The following FRS2 variants were observed in gnomAD, a reference collection of about 807,000 sequenced individuals.
The protein encoded by FRS2 is fibroblast growth factor receptor substrate 2, also known as FGFR signalling adaptor.
Under a neutral mutation model 43.9 loss-of-function variants are expected in FRS2, and 8 were observed. The observed-to-expected ratio is 0.18, with a 90% CI of 0.11 to 0.33. The LOEUF (loss-of-function observed/expected upper bound fraction) is 0.33. FRS2 is among the 10% of genes least tolerant of loss of function. FRS2 has a pLI of 1.00. For synonymous variants in FRS2, 219 were observed against 220.3 expected (o/e 0.99, Z 0.05); for missense variants, 534 against 627.6 (o/e 0.85, Z 1.59).
intron 1 of FRS2, among the ~76,000 whole-genome samples, chr12:69,496,805 A>G (rs1317905085): frequency 6.6e-6 from 1 of 152,246 alleles, no homozygotes; most frequent in African/African-American, 2.4e-5. Context: ...AATAGGAATC[A>G]TACATTTATA....
chr12:69,518,182 T>C (rs1447098607), intron 1 of FRS2, among the ~76,000 whole-genome samples: 1 of 152,228 alleles, frequency 6.6e-6, no homozygotes, highest in African/African-American at 2.4e-5. Context: ...GACCTCTTCA[T>C]GAAACATGAA....
At chr12:69,487,047 G>A (rs1421632920) in intron 1 of FRS2, among the ~76,000 whole-genome samples, 2 of 152,180 alleles carry the variant, frequency 1.3e-5, no homozygotes, top group Non-Finnish European at 2.9e-5. Context: ...TTAGAATTAT[G>A]TGTTATGGTT....
At chr12:69,486,098 C>T (rs560099485) in intron 1 of FRS2, 47 of 152,138 alleles carry the variant, frequency 3.1e-4, no homozygotes, top group African/African-American at 1.0e-3. Flanking sequence ...TCCTAATTCC[C>T]TTTTTTATGG....
chr12:69,512,068 A>G (rs1258970865), intron 1 of FRS2, among the ~76,000 whole-genome samples: 2 of 152,150 alleles, frequency 1.3e-5, no homozygotes, highest in Non-Finnish European at 2.9e-5. Context: ...TGTGTCTGCC[A>G]ATTTTGAAGG....
chr12:69,552,195 G>A (rs562845978), intron 3 of FRS2, among the ~76,000 whole-genome samples: 9 of 150,766 alleles, frequency 6.0e-5, no homozygotes, highest in Non-Finnish European at 8.9e-5. Flanking sequence ...CCAGCTACTC[G>A]GGAGGCTGAG....
intron 1 of FRS2, among the ~76,000 whole-genome samples, chr12:69,472,600 G>A (rs144798566): frequency 0.015 from 2,296 of 152,194 alleles, 63 homozygotes; most frequent in African/African-American, 0.052. Flanking sequence ...AGGTGATTGG[G>A]GAAAATCAGA....
chr12:69,570,556 A>G, intron 6 of FRS2, 39 bp downstream of exon 6: 1 of 1,319,080 alleles, frequency 7.6e-7, no homozygotes, highest in Non-Finnish European at 1.1e-6. Flanking sequence ...TTGTATTTGA[A>G]ATTGTTTTTT....
intron 1 of FRS2, among the ~76,000 whole-genome samples, chr12:69,503,160 C>T (rs538388302): frequency 5.3e-5 from 8 of 152,094 alleles, no homozygotes; most frequent in South Asian, 2.1e-4. Context: ...GTAGGACTGA[C>T]GTCTTGTTTC....
At chr12:69,511,092 A>G (rs567054848) in intron 1 of FRS2, among the ~76,000 whole-genome samples, 2 of 152,332 alleles carry the variant, frequency 1.3e-5, no homozygotes, top group South Asian at 4.1e-4. Context: ...TTTGAATGGC[A>G]GTGCCAGTAC....
intron 1 of FRS2, among the ~76,000 whole-genome samples, chr12:69,506,646 A>G (rs1415572640): frequency 6.6e-6 from 1 of 152,090 alleles, no homozygotes. Flanking sequence ...TCTTCTTTCA[A>G]GCCCTCTATT....
At chr12:69,519,744 C>T (rs1271603906) in intron 1 of FRS2, among the ~76,000 whole-genome samples, 1 of 152,162 alleles carries the variant, frequency 6.6e-6, no homozygotes, top group Non-Finnish European at 1.5e-5. Context: ...TGATCTTGTT[C>T]TTTTTTATGA....
intron 3 of FRS2, among the ~76,000 whole-genome samples, chr12:69,538,223 A>ATATATATATATATATATATATATATATG (rs1194377826): frequency 1.0e-5 from 1 of 100,184 alleles, no homozygotes; most frequent in African/African-American, 4.4e-5. Context: ...ATATATATAT[A>ATATATATATATATATATATATATATATG]GCATTGCAGA....
At chr12:69,474,839 C>T (rs1049862609) in intron 1 of FRS2, among the ~76,000 whole-genome samples, 6 of 152,106 alleles carry the variant, frequency 3.9e-5, no homozygotes, top group Non-Finnish European at 5.9e-5. Flanking sequence ...AAATCAAGAA[C>T]CTCTGAATAT....
chr12:69,531,847 A>G (rs560545333), intron 2 of FRS2, among the ~76,000 whole-genome samples, 167 bp from the exon 3 acceptor site: 10 of 152,338 alleles, frequency 6.6e-5, no homozygotes, highest in Admixed American at 5.9e-4. Flanking sequence ...TTGGTTTTTT[A>G]TAACACATAC....
At chr12:69,547,763 ATGTT>A (rs1186398908) in intron 3 of FRS2, among the ~76,000 whole-genome samples, 2 of 142,272 alleles carry the variant, frequency 1.4e-5, no homozygotes, top group African/African-American at 5.2e-5. Flanking sequence ...TCTTTGACAT[ATGTT>A]TGTTTTACTG....
rs114370188 is a variant in FRS2, at chr12:69,552,385, A to G, written c.-121-9795A>G. On this transcript the variant is annotated intron_variant, in intron 3 of 8. Coordinates refer to ENST00000549921, the MANE Select transcript of FRS2 (RefSeq NM_001278356.2). The stretch of plus-strand genomic sequence containing the variant: ...ATGTCTATTAATATTCAAAATAACA[A>G]CAATAACAGTACAGTGACCACCATA... Among the ~76,000 whole-genome samples, 5 of 152,078 alleles carry G rather than the reference A, an allele frequency of 3.3e-5. No homozygotes were observed. In the South Asian group the frequency reaches 6.2e-4, roughly 19 times the overall value.
intron 1 of FRS2, among the ~76,000 whole-genome samples, chr12:69,485,282 A>G (rs1028726009): frequency 1.3e-5 from 2 of 151,836 alleles, no homozygotes; most frequent in Non-Finnish European, 2.9e-5. Flanking sequence ...TCCCAGGTTC[A>G]CGCCATTCTC....
chr12:69,518,002 AT>A (rs917790779), intron 1 of FRS2, among the ~76,000 whole-genome samples: 15 of 151,930 alleles, frequency 9.9e-5, no homozygotes, highest in Admixed American at 2.6e-4. Flanking sequence ...AATATTAAGC[AT>A]TTTTTTTATG....
At chr12:69,570,027 T>TAA (rs1483406272) in intron 5 of FRS2, among the ~76,000 whole-genome samples, 2 of 152,218 alleles carry the variant, frequency 1.3e-5, no homozygotes, top group Admixed American at 1.3e-4. Flanking sequence ...CTCCTCCTCT[T>TAA]AAATGAAGGT....
Sources: allele counts gnomAD v4.1 joint callset (sites outside exome capture counted in the v4.1 genomes callset), GRCh38; gene constraint gnomAD v4.1.1; transcripts MANE v1.5; gene names NCBI Gene and HGNC (gene_info 2026-07-23, HGNC 2026-07-21).